NUP210L: variants seen among roughly 807,000 people sequenced by gnomAD.
The protein encoded by NUP210L is nucleoporin 210 like.
A neutral mutation model predicts 208.5 loss-of-function variants in NUP210L; 74 were observed. The observed-to-expected ratio is 0.35, with a 90% CI of 0.29 to 0.43. The LOEUF (loss-of-function observed/expected upper bound fraction) is 0.43. Among genes scored for constraint, NUP210L ranks in the 20% least tolerant of loss-of-function variants. The pLI is 1.00. For synonymous variants in NUP210L, 780 were observed against 816.9 expected (o/e 0.95, Z 0.77); for missense variants, 1,843 against 2,289.4 (o/e 0.81, Z 3.98).
chr1:154,061,378 AAAT>A (rs537711266), intron 18 of NUP210L, among the ~76,000 whole-genome samples: 152 of 150,054 alleles, frequency 1.0e-3, no homozygotes, highest in East Asian at 8.8e-3. Flanking sequence ...ACTTCATCTC[AAAT>A]AATAATAATA....
intron 16 of NUP210L, among the ~76,000 whole-genome samples, chr1:154,072,023 C>T (rs373619163): frequency 1.3e-5 from 2 of 151,528 alleles, no homozygotes; most frequent in Admixed American, 1.3e-4. Context: ...TTTATCCACT[C>T]GTTAATTGAT....
chr1:154,047,296 G>A (rs1394557680), intron 25 of NUP210L, among the ~76,000 whole-genome samples: 1 of 152,112 alleles, frequency 6.6e-6, no homozygotes, highest in Non-Finnish European at 1.5e-5. Flanking sequence ...TTGAGGTGGT[G>A]GATACCCCAT....
chr1:154,058,475 C>T, intron 21 of NUP210L, 90 bp downstream of exon 21: 1 of 1,434,986 alleles, frequency 7.0e-7, no homozygotes, highest in East Asian at 2.3e-5. Context: ...GGTATACACA[C>T]ACAGTAGCTG....
exon 16 of NUP210L, chr1:154,089,451 T>C (rs1251087865): frequency 1.9e-6 from 3 of 1,614,194 alleles, no homozygotes; most frequent in African/African-American, 2.7e-5. Context: ...GCAGAGGACA[T>C]GGCTGGGCAC....
intron 33 of NUP210L, among the ~76,000 whole-genome samples, chr1:154,014,219 C>T (rs1463536939): frequency 6.6e-6 from 1 of 152,078 alleles, no homozygotes; most frequent in Non-Finnish European, 1.5e-5. Flanking sequence ...TTTCTGGAGG[C>T]CAGCACAATG....
intron 37 of NUP210L, chr1:153,995,995 C>T (rs1649834108): frequency 2.6e-6 from 1 of 384,112 alleles, no homozygotes; most frequent in South Asian, 2.0e-5. Context: ...AATGAGGAGA[C>T]TTAAAAAAAA....
intron 16 of NUP210L, among the ~76,000 whole-genome samples, chr1:154,082,543 C>T (rs1204079088): frequency 6.6e-6 from 1 of 152,138 alleles, no homozygotes; most frequent in African/African-American, 2.4e-5. Context: ...GGAAGCTCCA[C>T]GCCCCATCCC....
intron 8 of NUP210L, among the ~76,000 whole-genome samples, chr1:154,128,894 T>C (rs1323728463): frequency 6.6e-6 from 1 of 152,132 alleles, no homozygotes; most frequent in African/African-American, 2.4e-5. Context: ...ACACTTTCAC[T>C]TATATCTGTA....
intron 25 of NUP210L, among the ~76,000 whole-genome samples, chr1:154,053,534 T>C (rs929582701): frequency 6.6e-6 from 1 of 152,180 alleles, no homozygotes; most frequent in Non-Finnish European, 1.5e-5. Context: ...ACGCTGAAGG[T>C]TGTCGGTTTA....
chr1:153,993,569 A>G (rs77142628), intron 38 of NUP210L, among the ~76,000 whole-genome samples: 9 of 140,860 alleles, frequency 6.4e-5, no homozygotes, highest in Non-Finnish European at 1.3e-4. Flanking sequence ...CTGTCTCAGA[A>G]AAAAAAAAAA....
rs767785200 is a variant in NUP210L at position 154,006,946 on chromosome 1, G to GTGTA, written c.4930+3025_4930+3026insTACA. Among the ~76,000 whole-genome samples the GTGTA allele has an allele frequency of 1.3e-3, 123 of 95,402 alleles. 1 individual carries two copies. The highest frequency in any genetic ancestry group is 1.8e-3 in the East Asian group (6 of 3,280). The allele number at this position is 95,402 out of a possible 152,430, so 62.6% of individuals were successfully genotyped here. A position where few individuals can be genotyped will look rare whatever the true frequency, so the allele number is the denominator to read the frequency against. ...TATGTCTGTGTGTGTGTGTGTGTGT[G>GTGTA]TATATATATATATATATATATTTTT... On this transcript the variant is annotated intron_variant, in intron 35 of 39. Coordinates refer to ENST00000368559, the Ensembl canonical transcript of NUP210L.
Position 154,075,307 on chromosome 1 carries a change from C to T in NUP210L, c.2362-4842G>A, listed in dbSNP as rs11265027. 2.1e-3 allele frequency among the ~76,000 whole-genome samples: 323 copies of T among 152,148 alleles called. 1 individual carries two copies. The highest frequency in any genetic ancestry group is 7.5e-3 in the African/African-American group (311 of 41,520). On this transcript the variant is annotated intron_variant, in intron 16 of 39. Coordinates refer to ENST00000368559, the Ensembl canonical transcript of NUP210L. ...AGCTCTCATATATATGTGAGACATA[C>T]CCACGTATACATATATATACACACA... is the stretch of plus-strand genomic sequence containing the variant.
At chr1:154,093,330 A>C (rs1474329073) in intron 15 of NUP210L, among the ~76,000 whole-genome samples, 7 of 152,132 alleles carry the variant, frequency 4.6e-5, no homozygotes, top group African/African-American at 1.4e-4. Flanking sequence ...CAGGAGGCTG[A>C]GGCAGTAGAA....
chr1:154,035,889 G>A (rs983979663), intron 27 of NUP210L, among the ~76,000 whole-genome samples: 5 of 151,612 alleles, frequency 3.3e-5, no homozygotes, highest in African/African-American at 4.8e-5. Flanking sequence ...ACCTGCCACC[G>A]CGCCTGGCTA....
intron 25 of NUP210L, among the ~76,000 whole-genome samples, chr1:154,047,403 A>C (rs1016696296): frequency 3.9e-5 from 6 of 152,186 alleles, no homozygotes; most frequent in African/African-American, 9.7e-5. Context: ...AACTGGCCCC[A>C]AAAATGGCCA....
At chr1:154,035,299 A>C (rs1415788890) in intron 27 of NUP210L, among the ~76,000 whole-genome samples, 1 of 149,830 alleles carries the variant, frequency 6.7e-6, no homozygotes, top group Non-Finnish European at 1.5e-5. Context: ...ATTTGTTCTG[A>C]TATTTATTAT....
intron 16 of NUP210L, among the ~76,000 whole-genome samples, chr1:154,085,224 C>T (rs1655561399): frequency 2.0e-5 from 3 of 150,260 alleles, no homozygotes; most frequent in African/African-American, 7.3e-5. Context: ...GTAGTGGGCG[C>T]CTGTAGTCCC....
intron 29 of NUP210L, 29 bp from the exon 30 acceptor site, chr1:154,025,745 T>G: frequency 3.8e-6 from 6 of 1,599,426 alleles, no homozygotes; most frequent in Non-Finnish European, 5.1e-6. Context: ...AAGTGGCATC[T>G]TTTTGGGGTC....
At chr1:153,996,363 C>T (rs1175546147) in intron 37 of NUP210L, among the ~76,000 whole-genome samples, 2 of 152,152 alleles carry the variant, frequency 1.3e-5, no homozygotes, top group African/African-American at 4.8e-5. Flanking sequence ...AACATGCTTC[C>T]CTTCACTAAA....
Sources: gnomAD v4.1 joint callset for allele counts (sites outside exome capture counted in the v4.1 genomes callset) on GRCh38, gnomAD v4.1.1 for gene constraint, MANE v1.5 for transcripts, NCBI Gene and HGNC (gene_info 2026-07-23, HGNC 2026-07-21) for gene names.